EGFLAM: variants seen among roughly 807,000 people sequenced by gnomAD.
The protein encoded by EGFLAM is EGF like, fibronectin type III and laminin G domains, also known as pikachurin.
EGFLAM carries 79 observed loss-of-function variants against 113.1 expected under a neutral mutation model. The ratio of observed to expected loss-of-function variants is 0.70; its 90% CI spans 0.58 to 0.84. The LOEUF (loss-of-function observed/expected upper bound fraction) is 0.84. Among genes scored for constraint, EGFLAM ranks in the 40% least tolerant of loss-of-function variants. The probability of loss-of-function intolerance (pLI) is 0.00; values close to 1 mark genes in which losing one functional copy is unlikely to be tolerated. For synonymous variants in EGFLAM, 504 were observed against 487.6 expected (o/e 1.03, Z -0.44); for missense variants, 1,265 against 1,291.6 (o/e 0.98, Z 0.32).
chr5:38,385,199 T>C (rs958904682), intron 6 of EGFLAM, among the ~76,000 whole-genome samples: 1 of 151,824 alleles, frequency 6.6e-6, no homozygotes, highest in African/African-American at 2.4e-5. Context: ...GCAATTTACA[T>C]TGCAACCTAG....
chr5:38,365,692 A>G (rs1484100980), intron 5 of EGFLAM, among the ~76,000 whole-genome samples: 2 of 151,884 alleles, frequency 1.3e-5, no homozygotes, highest in Non-Finnish European at 2.9e-5. Context: ...GAAAGGAGAA[A>G]CATGAATAAG....
At chr5:38,319,713 C>T (rs904308542) in intron 1 of EGFLAM, among the ~76,000 whole-genome samples, 1 of 152,180 alleles carries the variant, frequency 6.6e-6, no homozygotes, top group Admixed American at 6.5e-5. Flanking sequence ...GTTTGTTAGC[C>T]ATCAAGGCTG....
At chr5:38,416,841 G>A (rs1488817470) in intron 11 of EGFLAM, among the ~76,000 whole-genome samples, 6 of 152,178 alleles carry the variant, frequency 3.9e-5, no homozygotes, top group Admixed American at 3.9e-4. Context: ...TTCCTAGCTT[G>A]TGTTGAGTCT....
chr5:38,438,331 T>A lies in EGFLAM; in HGVS notation c.2340T>A (p.Asn780Lys), dbSNP rs758034588. The change falls in exon 17 of 22, where the codon AAT becomes AAA. Residue 780 changes from asparagine (N) to lysine (K), a missense_variant. Coordinates refer to ENST00000322350, the MANE Select transcript of EGFLAM (RefSeq NM_152403.4). ...HVKHDFTSGV[N>K]VENAAHPCVR... The stretch of plus-strand genomic sequence containing the variant: ...AGCATGACTTCACCTCCGGAGTGAA[T>A]GTGGAGAATGCGGCCCACCCCTGTG... 1.2e-6 allele frequency: 2 copies of A among 1,614,080 alleles called. No individual in the cohort carries two copies. Among genetic ancestry groups the A allele is most frequent in the South Asian group, 1.1e-5 (1 of 91,036 alleles).
chr5:38,268,696 A>G (rs1214116544), intron 1 of EGFLAM, among the ~76,000 whole-genome samples: 2 of 152,224 alleles, frequency 1.3e-5, no homozygotes, highest in Non-Finnish European at 2.9e-5. Flanking sequence ...CCTGGTTGAA[A>G]AGCAAATAGT....
At chr5:38,349,773 GCACACACACACA>G (rs57785664) in intron 3 of EGFLAM, among the ~76,000 whole-genome samples, 3 of 130,946 alleles carry the variant, frequency 2.3e-5, no homozygotes, top group Admixed American at 7.8e-5. Context: ...AAGTACACAC[GCACACACACACA>G]CACACACACA....
intron 1 of EGFLAM, among the ~76,000 whole-genome samples, chr5:38,307,567 A>G (rs751931830): frequency 9.8e-5 from 15 of 152,332 alleles, no homozygotes; most frequent in Non-Finnish European, 1.5e-4. Context: ...TCTTTCCTTT[A>G]TAAATTACCC....
At chr5:38,351,823 G>C (rs1739632713) in intron 4 of EGFLAM, among the ~76,000 whole-genome samples, 1 of 152,146 alleles carries the variant, frequency 6.6e-6, no homozygotes, top group South Asian at 2.1e-4. Flanking sequence ...AATGCAAACA[G>C]ATGGAATGCT....
intron 5 of EGFLAM, among the ~76,000 whole-genome samples, chr5:38,367,234 C>A (rs1009933452): frequency 6.6e-6 from 1 of 151,538 alleles, no homozygotes; most frequent in Non-Finnish European, 1.5e-5. Context: ...GCAGCCTCAA[C>A]CTCCCAAGCT....
intron 1 of EGFLAM, among the ~76,000 whole-genome samples, chr5:38,306,868 A>G (rs180854089): frequency 5.9e-5 from 9 of 152,328 alleles, no homozygotes; most frequent in Admixed American, 6.5e-5. Flanking sequence ...GTACCCTAAG[A>G]GAATTATACT....
chr5:38,360,445 G>T (rs1019895862), intron 5 of EGFLAM, among the ~76,000 whole-genome samples: 1 of 152,182 alleles, frequency 6.6e-6, no homozygotes, highest in African/African-American at 2.4e-5. Context: ...CTGGATACGT[G>T]ACATCTAAAA....
intron 6 of EGFLAM, among the ~76,000 whole-genome samples, chr5:38,400,719 T>G (rs1053400280): frequency 5.3e-5 from 8 of 152,136 alleles, no homozygotes; most frequent in African/African-American, 1.7e-4. Context: ...CCTGGATTAT[T>G]ATGAGAGAGG....
At chr5:38,340,859 G>A (rs1477370845) in intron 3 of EGFLAM, among the ~76,000 whole-genome samples, 1 of 60,958 alleles carries the variant, frequency 1.6e-5, no homozygotes, top group African/African-American at 1.1e-4. Flanking sequence ...GGGGGTGGGG[G>A]GTGGGGGGTG....
At chr5:38,457,395 G>A (rs1344589594) in intron 19 of EGFLAM, among the ~76,000 whole-genome samples, 2 of 152,308 alleles carry the variant, frequency 1.3e-5, no homozygotes, top group Non-Finnish European at 2.9e-5. Flanking sequence ...GTCTCAGGGA[G>A]AATCGGCTCC....
chr5:38,318,277 C>CT (rs1193355036), intron 1 of EGFLAM, among the ~76,000 whole-genome samples: 2 of 151,164 alleles, frequency 1.3e-5, no homozygotes, highest in Admixed American at 1.3e-4. Context: ...AGTATACTAT[C>CT]TAACTATAGT....
At chr5:38,259,000 A>G in intron 1 of EGFLAM, 149 bp downstream of exon 1, 1 of 870,902 alleles carries the variant, frequency 1.1e-6, no homozygotes, top group Non-Finnish European at 1.7e-6. Flanking sequence ...CTGAGAAAAG[A>G]CGCAAACCTC....
intron 9 of EGFLAM, among the ~76,000 whole-genome samples, chr5:38,408,297 C>T (rs772913146): frequency 3.3e-5 from 5 of 152,210 alleles, no homozygotes; most frequent in Non-Finnish European, 7.3e-5. Context: ...ATTGTGATAG[C>T]TGTCACTGAA....
Position 38,407,991 on chromosome 5 carries a change from CG to C in EGFLAM, c.1248+90del, listed in dbSNP as rs1741349229. On this transcript the variant is annotated intron_variant, in intron 9 of 21. Coordinates refer to ENST00000322350, the MANE Select transcript of EGFLAM (RefSeq NM_152403.4). ...CATTCAAAGGCTGGGGGAGAGGAAG[CG>C]GGGCAGCAGGGAGAGCGACGAAAGG... 13 of 1,082,294 alleles carry C rather than the reference CG, an allele frequency of 1.2e-5. No homozygotes were observed. In the South Asian group the frequency reaches 1.6e-4, roughly 13 times the overall value. 67.0% of individuals were successfully genotyped at this position (1,082,294 alleles called of 1,614,324 possible).
intron 1 of EGFLAM, among the ~76,000 whole-genome samples, chr5:38,269,630 C>T (rs1757720010): frequency 2.0e-5 from 3 of 151,922 alleles, no homozygotes. Flanking sequence ...GCTGGGACTA[C>T]AGGTGCGCGC....
Sources: gnomAD v4.1 joint callset for allele counts (sites outside exome capture counted in the v4.1 genomes callset) on GRCh38, gnomAD v4.1.1 for gene constraint, MANE v1.5 for transcripts, NCBI Gene and HGNC (gene_info 2026-07-23, HGNC 2026-07-21) for gene names.